CMIP: variants seen among roughly 807,000 people sequenced by gnomAD.
CMIP encodes C-Maf-inducing protein.
A neutral mutation model predicts 97.3 loss-of-function variants in CMIP; 13 were observed. The observed-to-expected ratio is 0.13, with a 90% CI of 0.09 to 0.21. CMIP has a LOEUF of 0.21. Ranked by LOEUF, CMIP falls within the 10% of genes least tolerant of loss-of-function variation. The pLI is 1.00. For missense variants in CMIP, 847 were observed against 1,024.9 expected (o/e 0.83, Z 2.37); for synonymous variants, 538 against 436.3 (o/e 1.23, Z -2.91).
chr16:81,709,687 T>C, intron 20 of CMIP, 59 bp from the exon 21 acceptor site: 1 of 1,595,956 alleles, frequency 6.3e-7, no homozygotes, highest in Non-Finnish European at 8.6e-7. Flanking sequence ...AGCCAGGCAC[T>C]GGCAGCTTCT....
At chr16:81,643,053 A>T (rs1233715929) in intron 3 of CMIP, among the ~76,000 whole-genome samples, 1 of 152,206 alleles carries the variant, frequency 6.6e-6, no homozygotes, top group Non-Finnish European at 1.5e-5. Context: ...GCAGTGGAAG[A>T]CACATGTTAA....
At chr16:81,602,959 A>T in intron 1 of CMIP, among the ~76,000 whole-genome samples, 1 of 152,228 alleles carries the variant, frequency 6.6e-6, no homozygotes, top group Non-Finnish European at 1.5e-5. Flanking sequence ...GTTAGCTCAT[A>T]TCTGAGCCCA....
chr16:81,474,802 C>T (rs952860420), intron 1 of CMIP, among the ~76,000 whole-genome samples: 4 of 152,218 alleles, frequency 2.6e-5, no homozygotes, highest in Non-Finnish European at 4.4e-5. Flanking sequence ...GGAGCCAGCC[C>T]AGGACAGTCT....
Position 81,711,275 on chromosome 16 carries a change from T to A in CMIP, c.*1476T>A, listed in dbSNP as rs1173907611. ...CCTACCCCACAGTCAGTGTACTTGTTTTATATATATTTAATCTTATTCAAT... is the reference window on the plus strand; with the variant it reads ...CCTACCCCACAGTCAGTGTACTTGTATTATATATATTTAATCTTATTCAAT... On this transcript the variant is annotated 3_prime_UTR_variant, in exon 21 of 21. Transcript: ENST00000537098. 1 of 152,450 alleles carries A rather than the reference T, an allele frequency of 6.6e-6. No homozygotes were observed. The highest frequency in any genetic ancestry group is 1.5e-5 in the Non-Finnish European group (1 of 68,008). 9.4% of individuals were successfully genotyped at this position (152,450 alleles called of 1,614,324 possible).
chr16:81,679,228 C>T (rs1045664231), intron 10 of CMIP, among the ~76,000 whole-genome samples: 2 of 151,732 alleles, frequency 1.3e-5, no homozygotes, highest in African/African-American at 4.9e-5. Context: ...TGGGTGTGGG[C>T]ATGCCTGTGG....
chr16:81,460,068 A>G (rs140225161), intron 1 of CMIP, among the ~76,000 whole-genome samples: 1 of 152,192 alleles, frequency 6.6e-6, no homozygotes, highest in East Asian at 1.9e-4. Context: ...AGGCCTCACC[A>G]TGGAGGCTCT....
At position 81,627,718 on chromosome 16, in the gene CMIP, A is replaced by G. The variant is rs544466058; in HGVS notation, c.477+6792A>G. On this transcript the variant is annotated intron_variant, in intron 3 of 20. Coordinates refer to ENST00000537098, the MANE Select transcript of CMIP (RefSeq NM_198390.3). This position sits in a 1 kb window ranked among gnomAD's most constrained non-coding sequence, Gnocchi z 4.6. ...CATAGCAGAGGGGACTGAGCGTCCA[A>G]GTGGATAAAGGATGAGGATAAAGGA... 2.6e-5 allele frequency among the ~76,000 whole-genome samples: 4 copies of G among 152,260 alleles called. No individual in the cohort carries two copies. The highest frequency in any genetic ancestry group is 5.9e-5 in the Non-Finnish European group (4 of 68,012).
intron 1 of CMIP, among the ~76,000 whole-genome samples, chr16:81,448,841 C>T (rs1597440498): frequency 6.6e-6 from 1 of 152,270 alleles, no homozygotes; most frequent in African/African-American, 2.4e-5. Context: ...AAGGGCCTGT[C>T]TGCCCAGGCT....
Position 81,566,494 on chromosome 16 carries a change from G to A in CMIP, c.301-41073G>A, listed in dbSNP as rs9931724. 3.9e-3 allele frequency among the ~76,000 whole-genome samples: 594 copies of A among 152,278 alleles called. 3 individuals carry two copies. Among genetic ancestry groups the A allele is most frequent in the African/African-American group, 0.013 (555 of 41,554 alleles). ...TGGAGCCACGCACAACTGGATTTTG[G>A]TACCACAGCTTTGCTGTGTGACTCT... On this transcript the variant is annotated intron_variant, in intron 1 of 20. Transcript: ENST00000537098.
intron 1 of CMIP, among the ~76,000 whole-genome samples, chr16:81,527,131 T>G (rs1258783803): frequency 6.6e-6 from 1 of 152,204 alleles, no homozygotes; most frequent in African/African-American, 2.4e-5. Context: ...CTACAGAATT[T>G]CTCAGCTCTC....
At chr16:81,698,481 C>T (rs899722068) in intron 14 of CMIP, among the ~76,000 whole-genome samples, 1 of 152,242 alleles carries the variant, frequency 6.6e-6, no homozygotes, top group African/African-American at 2.4e-5. Flanking sequence ...GTCACGTCCC[C>T]TACCCCATAC....
chr16:81,447,595 G>C (rs2150725612), intron 1 of CMIP, among the ~76,000 whole-genome samples: 1 of 152,362 alleles, frequency 6.6e-6, no homozygotes. Flanking sequence ...ACTGGGGACT[G>C]AGGCTTATCC....
At chr16:81,528,865 G>A (rs1338976720) in intron 1 of CMIP, among the ~76,000 whole-genome samples, 3 of 152,116 alleles carry the variant, frequency 2.0e-5, no homozygotes, top group Non-Finnish European at 2.9e-5. Context: ...TGGTGAGCGC[G>A]ATTTTTTTGT....
chr16:81,495,618 G>A, intron 1 of CMIP: 1 of 1,006,566 alleles, frequency 9.9e-7, no homozygotes, highest in Non-Finnish European at 1.5e-6. Context: ...GGGCAGGTGT[G>A]TCTGCTAATC....
rs558252411 is a variant in CMIP, at chr16:81,531,506, G to A, written c.301-76061G>A. ...CAGTCTCGATTCTACGACCCTACCC[G>A]TGTTTTGTTTTTCACACCAGGCCGT... On this transcript the variant is annotated intron_variant, in intron 1 of 20. Transcript: ENST00000537098. Among the ~76,000 whole-genome samples the A allele has an allele frequency of 3.3e-5, 5 of 152,280 alleles. No individual in the cohort carries two copies. The South Asian group carries it at 1.0e-3, about 32-fold the overall frequency.
At chr16:81,660,461 G>T (rs894503580) in intron 5 of CMIP, among the ~76,000 whole-genome samples, 1 of 151,976 alleles carries the variant, frequency 6.6e-6, no homozygotes, top group East Asian at 1.9e-4. Flanking sequence ...TTTTGGTAGA[G>T]ACGGAGTTTC....
intron 1 of CMIP, among the ~76,000 whole-genome samples, chr16:81,509,174 C>G (rs1234196098): frequency 2.0e-5 from 3 of 152,194 alleles, no homozygotes. Flanking sequence ...CCGTGTGCTC[C>G]CCGTGTGGCA....
intron 1 of CMIP, among the ~76,000 whole-genome samples, chr16:81,586,626 T>TTC (rs150986384): frequency 0.082 from 12,501 of 152,158 alleles, 1,160 homozygotes; most frequent in African/African-American, 0.23. Flanking sequence ...CTCCTTCAAC[T>TTC]TCTCTCTCTC....
chr16:81,592,295 C>T (rs1217831926), intron 1 of CMIP, among the ~76,000 whole-genome samples: 1 of 152,200 alleles, frequency 6.6e-6, no homozygotes, highest in Non-Finnish European at 1.5e-5. Context: ...CAGGCCCCTG[C>T]CTGAGACATC....
Sources: gnomAD v4.1 joint callset for allele counts (sites outside exome capture counted in the v4.1 genomes callset) on GRCh38, gnomAD v4.1.1 for gene constraint, Gnocchi (gnomAD v3.1) non-coding constraint, MANE v1.5 for transcripts, NCBI Gene and HGNC (gene_info 2026-07-23, HGNC 2026-07-21) for gene names.